The following SLC25A21 variants were observed in gnomAD, a reference collection of about 807,000 sequenced individuals.
SLC25A21 encodes solute carrier family 25 member 21, also known as mitochondrial 2-oxodicarboxylate carrier.
Under a neutral mutation model 43.8 loss-of-function variants are expected in SLC25A21, and 47 were observed. The ratio of observed to expected loss-of-function variants is 1.07; its 90% CI spans 0.85 to 1.37. SLC25A21 has a LOEUF of 1.37. Ranked by LOEUF, SLC25A21 falls within the 40% of genes most tolerant of loss-of-function variation. The pLI is 0.00. For synonymous variants in SLC25A21, 131 were observed against 121.3 expected (o/e 1.08, Z -0.52); for missense variants, 352 against 350.2 (o/e 1.00, Z -0.04).
intron 1 of SLC25A21, among the ~76,000 whole-genome samples, chr14:37,137,382 G>A (rs1963500635): frequency 6.6e-6 from 1 of 152,148 alleles, no homozygotes; most frequent in Non-Finnish European, 1.5e-5. Flanking sequence ...ATGTCAATAT[G>A]TGAATTACAT....
intron 1 of SLC25A21, among the ~76,000 whole-genome samples, chr14:36,956,953 T>C (rs975048096): frequency 6.6e-6 from 1 of 152,224 alleles, no homozygotes; most frequent in Non-Finnish European, 1.5e-5. Context: ...CATCTATCTA[T>C]ATGCACAGAA....
chr14:37,075,895 C>T (rs1962270494), intron 1 of SLC25A21, among the ~76,000 whole-genome samples: 1 of 152,182 alleles, frequency 6.6e-6, no homozygotes, highest in African/African-American at 2.4e-5. Flanking sequence ...AAAATATCCT[C>T]CACAGGGATG....
At chr14:36,934,249 C>T (rs1255119693) in intron 1 of SLC25A21, among the ~76,000 whole-genome samples, 1 of 151,712 alleles carries the variant, frequency 6.6e-6, no homozygotes, top group Admixed American at 6.6e-5. Context: ...AAGTACATGC[C>T]TTTTACTATT....
At chr14:37,050,275 T>G (rs1442247009) in intron 1 of SLC25A21, among the ~76,000 whole-genome samples, 1 of 152,254 alleles carries the variant, frequency 6.6e-6, no homozygotes, top group Non-Finnish European at 1.5e-5. Context: ...GTTGTGTTTG[T>G]GTACTCCATA....
intron 3 of SLC25A21, among the ~76,000 whole-genome samples, chr14:36,761,695 C>G (rs1032270665): frequency 1.3e-5 from 2 of 152,116 alleles, no homozygotes; most frequent in Admixed American, 1.3e-4. Flanking sequence ...TGGGATAGAT[C>G]TGTAGTGATA....
At chr14:36,904,854 A>G (rs969415290) in intron 1 of SLC25A21, among the ~76,000 whole-genome samples, 47 of 152,272 alleles carry the variant, frequency 3.1e-4, no homozygotes, top group African/African-American at 1.1e-3. Flanking sequence ...GATTATGGGG[A>G]TTACAGTTCA....
At chr14:36,710,280 G>A (rs1430787159) in intron 7 of SLC25A21, among the ~76,000 whole-genome samples, 1 of 151,954 alleles carries the variant, frequency 6.6e-6, no homozygotes, top group Non-Finnish European at 1.5e-5. Context: ...GGCTGGTGCA[G>A]GAGAATTGCT....
intron 1 of SLC25A21, among the ~76,000 whole-genome samples, chr14:37,045,333 A>G (rs1302965629): frequency 6.6e-6 from 1 of 152,238 alleles, no homozygotes; most frequent in Non-Finnish European, 1.5e-5. Context: ...TAGAATTAGT[A>G]GATCCTATAA....
intron 1 of SLC25A21, among the ~76,000 whole-genome samples, chr14:37,062,554 A>C (rs919117802): frequency 2.0e-5 from 3 of 152,146 alleles, no homozygotes; most frequent in African/African-American, 7.2e-5. Flanking sequence ...AAGACTTGAG[A>C]GGTATTCAGA....
At chr14:36,874,813 T>C (rs549202521) in intron 2 of SLC25A21, 143 bp downstream of exon 2, 21 of 560,080 alleles carry the variant, frequency 3.7e-5, no homozygotes, top group African/African-American at 1.3e-4. Context: ...ATCTGTCAAA[T>C]AGTACTTTCT....
intron 3 of SLC25A21, among the ~76,000 whole-genome samples, chr14:36,763,109 T>G (rs1023918330): frequency 2.3e-4 from 35 of 151,988 alleles, no homozygotes; most frequent in African/African-American, 7.7e-4. Context: ...AAAGTAAGAG[T>G]TGTTTTATAA....
At chr14:36,753,919 CAGAGAGAGAGAGAGAGAG>C (rs56871881) in intron 3 of SLC25A21, among the ~76,000 whole-genome samples, 10 of 129,988 alleles carry the variant, frequency 7.7e-5, no homozygotes, top group Non-Finnish European at 8.3e-5. Context: ...TCACTGGGGA[CAGAGAGAGAGAGAGAGAG>C]AGAGAGAGAG....
At chr14:37,042,126 G>A (rs1045597923) in intron 1 of SLC25A21, among the ~76,000 whole-genome samples, 1 of 152,146 alleles carries the variant, frequency 6.6e-6, no homozygotes, top group Non-Finnish European at 1.5e-5. Context: ...AAACAGACAT[G>A]TGAATTTGAT....
chr14:36,736,648 C>G (rs1004242122), intron 3 of SLC25A21, among the ~76,000 whole-genome samples: 5 of 151,962 alleles, frequency 3.3e-5, no homozygotes, highest in Non-Finnish European at 7.4e-5. Context: ...AAGAGAAACA[C>G]TTAAATAAGT....
At chr14:36,985,787 T>C (rs1960133501) in intron 1 of SLC25A21, among the ~76,000 whole-genome samples, 1 of 152,210 alleles carries the variant, frequency 6.6e-6, no homozygotes, top group Non-Finnish European at 1.5e-5. Context: ...ATCCTTTTCT[T>C]ATCTCCATGT....
At chr14:36,941,691 C>A (rs1892561975) in intron 1 of SLC25A21, among the ~76,000 whole-genome samples, 1 of 151,460 alleles carries the variant, frequency 6.6e-6, no homozygotes, top group Non-Finnish European at 1.5e-5. Flanking sequence ...AAATGCTATT[C>A]TTCATTAATG....
chr14:37,066,679 T>C (rs975299501), intron 1 of SLC25A21, among the ~76,000 whole-genome samples: 16 of 152,138 alleles, frequency 1.1e-4, no homozygotes, highest in African/African-American at 3.6e-4. Context: ...CATATAAATA[T>C]TTCATTTAAA....
At chr14:36,800,251 T>TC (rs767440309) in intron 3 of SLC25A21, among the ~76,000 whole-genome samples, 10 of 152,224 alleles carry the variant, frequency 6.6e-5, no homozygotes, top group Non-Finnish European at 1.5e-4. Flanking sequence ...AGCAGAGACT[T>TC]CAACAGATAT....
In SLC25A21 at chr14:37,049,001, GC is replaced by G. The variant is rs139409422; in HGVS notation, c.70+123279del. On this transcript the variant is annotated intron_variant, in intron 1 of 9. Transcript: ENST00000331299. ...TTTTGTTTCTGTTTCTTAATACAAT[GC>G]TGAACTACTTCTCCTGCTCCCACCC... Among the ~76,000 whole-genome samples, 407 of 152,242 alleles carry G rather than the reference GC, an allele frequency of 2.7e-3. 8 individuals carry two copies. In the East Asian group the frequency reaches 0.052, roughly 20 times the overall value.
Sources: gnomAD v4.1 joint callset for allele counts (sites outside exome capture counted in the v4.1 genomes callset) on GRCh38, gnomAD v4.1.1 for gene constraint, MANE v1.5 for transcripts, NCBI Gene and HGNC (gene_info 2026-07-23, HGNC 2026-07-21) for gene names.